RBFOX1: variants seen among roughly 807,000 people sequenced by gnomAD.
RBFOX1 encodes the protein RNA binding protein fox-1 homolog 1.
RBFOX1 carries 8 observed loss-of-function variants against 57.7 expected under a neutral mutation model. The observed-to-expected ratio is 0.14, with a 90% confidence interval of 0.08 to 0.25. The LOEUF (loss-of-function observed/expected upper bound fraction) is 0.25. RBFOX1 is among the 10% of genes least tolerant of loss of function. The probability of loss-of-function intolerance (pLI) is 1.00; values close to 1 mark genes in which losing one functional copy is unlikely to be tolerated. For missense variants in RBFOX1, 611 were observed against 548.5 expected (o/e 1.11, Z -1.14); for synonymous variants, 326 against 222.4 (o/e 1.47, Z -4.15).
intron 10 of RBFOX1, among the ~76,000 whole-genome samples, chr16:7,620,930 G>A (rs2059216464): frequency 6.6e-6 from 1 of 152,088 alleles, no homozygotes; most frequent in African/African-American, 2.4e-5. Context: ...ACCTTAATGG[G>A]CACTGTCAAT....
At chr16:5,789,977 G>C (rs538755625) in intron 3 of RBFOX1, among the ~76,000 whole-genome samples, 54 of 152,206 alleles carry the variant, frequency 3.5e-4, no homozygotes, top group Non-Finnish European at 5.9e-4. Flanking sequence ...CACCTCACGG[G>C]CTTCATGCAG....
At chr16:6,517,560 A>G (rs1197890892) in intron 2 of RBFOX1, among the ~76,000 whole-genome samples, 2 of 152,118 alleles carry the variant, frequency 1.3e-5, no homozygotes, top group African/African-American at 4.8e-5. Flanking sequence ...GAGGATTTAT[A>G]TTCAAGGAGA....
intron 2 of RBFOX1, among the ~76,000 whole-genome samples, chr16:5,593,711 A>T (rs546293769): frequency 2.0e-5 from 3 of 152,298 alleles, no homozygotes; most frequent in East Asian, 3.9e-4. Context: ...TTTGCGTATC[A>T]AGAAATAACC....
chr16:5,530,180 T>G (rs767242851), intron 2 of RBFOX1, among the ~76,000 whole-genome samples: 9 of 152,178 alleles, frequency 5.9e-5, no homozygotes, highest in Non-Finnish European at 8.8e-5. Flanking sequence ...TTGAGCATAA[T>G]TGAAAGAACC....
intron 3 of RBFOX1, among the ~76,000 whole-genome samples, chr16:6,742,310 T>C (rs2072417283): frequency 6.6e-6 from 1 of 152,144 alleles, no homozygotes; most frequent in South Asian, 2.1e-4. Context: ...GTTAAACAGG[T>C]AAAATTTAAG....
chr16:7,217,000 C>CCCCCTCCCT (rs2092159567), intron 4 of RBFOX1, among the ~76,000 whole-genome samples: 1 of 103,640 alleles, frequency 9.6e-6, no homozygotes, highest in Non-Finnish European at 2.0e-5. Flanking sequence ...TCCTTCCTCC[C>CCCCCTCCCT]TCCCTCCCTT....
At chr16:6,735,142 C>T (rs559302887) in intron 3 of RBFOX1, among the ~76,000 whole-genome samples, 9 of 152,060 alleles carry the variant, frequency 5.9e-5, no homozygotes, top group African/African-American at 9.7e-5. Flanking sequence ...GAGTGAGACC[C>T]TGTCTCAACA....
chr16:7,367,271 T>C (rs931738543), intron 4 of RBFOX1, among the ~76,000 whole-genome samples: 1 of 152,116 alleles, frequency 6.6e-6, no homozygotes, highest in Non-Finnish European at 1.5e-5. Context: ...GAGTTGCTGT[T>C]TTGAGATAAA....
At chr16:6,861,313 C>T (rs2058952045) in intron 3 of RBFOX1, among the ~76,000 whole-genome samples, 2 of 152,258 alleles carry the variant, frequency 1.3e-5, no homozygotes, top group African/African-American at 4.8e-5. Context: ...CTTTCGAGTG[C>T]ATTGTCTTGG....
chr16:5,802,013 G>A (rs1030546269), intron 3 of RBFOX1, among the ~76,000 whole-genome samples: 3 of 152,100 alleles, frequency 2.0e-5, no homozygotes, highest in Non-Finnish European at 4.4e-5. Flanking sequence ...TGCATTCGCT[G>A]GAGGAAGAGG....
At chr16:5,520,505 C>T (rs143807806) in intron 2 of RBFOX1, among the ~76,000 whole-genome samples, 66 of 152,294 alleles carry the variant, frequency 4.3e-4, no homozygotes, top group African/African-American at 1.5e-3. Flanking sequence ...TCTGGGGTTT[C>T]TGGGAAAACA....
intron 1 of RBFOX1, among the ~76,000 whole-genome samples, chr16:5,352,919 G>C (rs553232233): frequency 6.6e-6 from 1 of 152,230 alleles, no homozygotes; most frequent in African/African-American, 2.4e-5. Context: ...CTCCAGCCTG[G>C]GTGATGGAAT....
intron 3 of RBFOX1, among the ~76,000 whole-genome samples, chr16:5,722,114 C>T (rs1352338012): frequency 1.3e-5 from 2 of 152,190 alleles, no homozygotes; most frequent in East Asian, 1.9e-4. Flanking sequence ...GCTCTACTGA[C>T]ATCCTGTCTT....
At chr16:7,504,761 ATATATATATTTATATATATATATATT>A (rs1567554646) in intron 4 of RBFOX1, among the ~76,000 whole-genome samples, 14 of 12,174 alleles carry the variant, frequency 1.1e-3, no homozygotes, top group African/African-American at 1.8e-3. Context: ...ATATTTATAT[ATATATATATTTATATATATATATATT>A]TATATATATA....
At chr16:7,462,458 G>A (rs1345941504) in intron 4 of RBFOX1, among the ~76,000 whole-genome samples, 1 of 152,124 alleles carries the variant, frequency 6.6e-6, no homozygotes, top group Non-Finnish European at 1.5e-5. Context: ...GCCATTGCAC[G>A]CCAGCCTGGG....
chr16:5,457,684 C>G (rs1305322074), intron 1 of RBFOX1, among the ~76,000 whole-genome samples: 1 of 152,248 alleles, frequency 6.6e-6, no homozygotes, highest in Non-Finnish European at 1.5e-5. Flanking sequence ...CTCCAAGAAG[C>G]CTTCCAGGAC....
At chr16:7,128,224 C>T (rs746632537) in intron 4 of RBFOX1, among the ~76,000 whole-genome samples, 15 of 152,148 alleles carry the variant, frequency 9.9e-5, no homozygotes, top group African/African-American at 1.9e-4. Flanking sequence ...TATTAAGTGC[C>T]AGACACTAAG....
intron 5 of RBFOX1, among the ~76,000 whole-genome samples, chr16:7,527,903 C>A (rs972261026): frequency 1.1e-4 from 17 of 152,144 alleles, no homozygotes; most frequent in African/African-American, 3.9e-4. Context: ...TGTGAAATTT[C>A]CCGTTTCAAG....
intron 3 of RBFOX1, among the ~76,000 whole-genome samples, chr16:6,767,591 T>A (rs552983834): frequency 3.7e-4 from 57 of 152,178 alleles, no homozygotes; most frequent in Middle Eastern, 3.4e-3. Context: ...ACAGTATAAA[T>A]CTTTCAAATC....
Sources: allele counts gnomAD v4.1 joint callset (sites outside exome capture counted in the v4.1 genomes callset), GRCh38; gene constraint gnomAD v4.1.1; transcripts MANE v1.5; gene names NCBI Gene and HGNC (gene_info 2026-07-23, HGNC 2026-07-21).